SEC31A: variants seen among roughly 807,000 people sequenced by gnomAD.
The protein encoded by SEC31A is SEC31 homolog A, COPII component, also known as protein transport protein Sec31A.
A neutral mutation model predicts 151.0 loss-of-function variants in SEC31A; 70 were observed. The observed-to-expected ratio is 0.46, with a 90% CI of 0.38 to 0.57. The LOEUF (loss-of-function observed/expected upper bound fraction) is 0.57. SEC31A is among the 20% of genes least tolerant of loss of function. The pLI is 0.00. For synonymous variants in SEC31A, 475 were observed against 505.9 expected, an observed-to-expected ratio of 0.94 and a Z score of 0.82; for missense variants, 1,330 against 1,471.2, an observed-to-expected ratio of 0.90 and a Z score of 1.57.
At position 82,844,442 on chromosome 4, in the gene SEC31A, A is replaced by T; in HGVS notation, c.2570T>A (p.Leu857His). 1 of 1,613,990 alleles carries T rather than the reference A, an allele frequency of 6.2e-7. No homozygotes were observed. The highest frequency in any genetic ancestry group is 1.1e-5 in the South Asian group (1 of 91,080). ...GNVNPNAAGQLPTSPGHMHTQ... is the reference protein window; with the variant it reads ...GNVNPNAAGQHPTSPGHMHTQ... ...GTGCATATGACCTGGAGATGTGGGA[A>T]GCTGACCAGCAGCATTTGGATTAAC... Residue 857 changes from leucine to histidine, a missense_variant, in exon 21 of 27, where the codon CTT (leucine) becomes CAT (histidine). By Grantham distance (99) the Leu-to-His change is moderately conservative (BLOSUM62 -3). Coordinates refer to ENST00000395310, the MANE Select transcript of SEC31A (RefSeq NM_001077207.4).
In SEC31A at chr4:82,830,601, C is replaced by T. The variant is rs137891425; in HGVS notation, c.2969-1543G>A. 2.9e-3 allele frequency among the ~76,000 whole-genome samples: 438 copies of T among 152,328 alleles called. 2 individuals are homozygous for T. The highest frequency in any genetic ancestry group is 9.9e-3 in the African/African-American group (412 of 41,572). On this transcript the variant is annotated intron_variant, in intron 22 of 26. Coordinates refer to ENST00000395310, the MANE Select transcript of SEC31A (RefSeq NM_001077207.4). The stretch of plus-strand genomic sequence containing the variant: ...AACTCATATGCTGCTTTCTGATTAA[C>T]AAATTCTTAAACTTCTGGTTCTACA...
intron 14 of SEC31A, among the ~76,000 whole-genome samples, chr4:82,859,986 G>A (rs1477124927): frequency 2.0e-5 from 3 of 152,052 alleles, no homozygotes; most frequent in Non-Finnish European, 2.9e-5. Flanking sequence ...TAGAGGTGGT[G>A]TTTCACCGTG....
Position 82,819,095 on chromosome 4 carries a change from C to G in SEC31A, c.3642G>C (p.Gln1214His). 3 of 1,607,834 alleles carry G rather than the reference C, an allele frequency of 1.9e-6. No individual in the cohort carries two copies. Among genetic ancestry groups the G allele is most frequent in the Non-Finnish European group, 2.5e-6 (3 of 1,177,496 alleles). ...CCTTTTAGACACCCAGCTTATTGGC[C>G]TGGGTGAGAACAACTTTGAGAACTG... ...FMPVLKVVLTQANKLGV is the reference protein window; with the variant it reads ...FMPVLKVVLTHANKLGV Residue 1214 changes from glutamine to histidine, a missense_variant, in exon 27 of 27, where the codon CAG (glutamine) becomes CAC (histidine). Transcript: ENST00000395310.
intron 10 of SEC31A, among the ~76,000 whole-genome samples, chr4:82,866,142 A>G (rs1735332028): frequency 6.6e-6 from 1 of 151,742 alleles, no homozygotes; most frequent in African/African-American, 2.4e-5. Flanking sequence ...AGGGAGGGAA[A>G]GAGAGACAGA....
chr4:82,848,513 T>G (rs1469227079), intron 20 of SEC31A, among the ~76,000 whole-genome samples: 3 of 152,166 alleles, frequency 2.0e-5, no homozygotes, highest in Admixed American at 2.0e-4. Context: ...ATTTTAATAG[T>G]AGATGTACAT....
chr4:82,889,835 CACT>C (rs1227810648), intron 1 of SEC31A, among the ~76,000 whole-genome samples: 1 of 152,168 alleles, frequency 6.6e-6, no homozygotes, highest in Non-Finnish European at 1.5e-5. Flanking sequence ...ACTACAAAAA[CACT>C]ACGAGTTATC....
intron 14 of SEC31A, among the ~76,000 whole-genome samples, chr4:82,859,710 T>G (rs540147757): frequency 2.6e-5 from 4 of 152,194 alleles, no homozygotes; most frequent in Admixed American, 2.6e-4. Context: ...TAAAAGAAAT[T>G]AAGAATTTAA....
intron 19 of SEC31A, 27 bp from the exon 20 acceptor site, chr4:82,849,004 CTG>C: frequency 6.2e-7 from 1 of 1,602,178 alleles, no homozygotes; most frequent in Non-Finnish European, 8.5e-7. Flanking sequence ...AAACAGCAGA[CTG>C]TTGAGAGTTC....
chr4:82,889,065 T>C (rs1428332557), intron 1 of SEC31A, among the ~76,000 whole-genome samples: 4 of 152,210 alleles, frequency 2.6e-5, no homozygotes, highest in Admixed American at 2.6e-4. Flanking sequence ...AACAATTGTT[T>C]AGAGGATTTA....
intron 7 of SEC31A, chr4:82,871,718 A>C (rs1402345002): frequency 1.8e-6 from 1 of 557,498 alleles, no homozygotes; most frequent in Non-Finnish European, 3.1e-6. Flanking sequence ...TTGCGCCTGT[A>C]ATCCCAGCTA....
chr4:82,828,903 C>T (rs951885269), intron 23 of SEC31A, 97 bp downstream of exon 23: 8 of 878,250 alleles, frequency 9.1e-6, no homozygotes, highest in Admixed American at 7.9e-5. Flanking sequence ...CAGTAAGCTT[C>T]GCCTTTAAAA....
chr4:82,873,628 C>T (rs866751450), intron 6 of SEC31A, among the ~76,000 whole-genome samples: 1 of 152,124 alleles, frequency 6.6e-6, no homozygotes, highest in African/African-American at 2.4e-5. Flanking sequence ...AAACAATACT[C>T]TGAAGAAGTG....
At chr4:82,854,380 A>G (rs1184448362) in intron 17 of SEC31A, among the ~76,000 whole-genome samples, 1 of 145,846 alleles carries the variant, frequency 6.9e-6, no homozygotes, top group Non-Finnish European at 1.5e-5. Flanking sequence ...AAAAAAAAAA[A>G]GCAGTTAGTA....
rs1276818478 is a variant in SEC31A at position 82,899,060 on chromosome 4, AGATG to A, written c.-2+649_-2+652del. Among the ~76,000 whole-genome samples, 13 of 152,368 alleles carry A rather than the reference AGATG, an allele frequency of 8.5e-5. No individual in the cohort carries two copies. The East Asian group carries it at 2.5e-3, about 29-fold the overall frequency. ...AAATAAAGTACTGATACGTGCTATAAGATGGATGAACTCTGAAAACATTCCAAGT... is the reference window on the plus strand; with the variant it reads ...AAATAAAGTACTGATACGTGCTATAAGATGAACTCTGAAAACATTCCAAGT... On this transcript the variant is annotated intron_variant, in intron 3 of 28. Transcript: ENST00000355196.
chr4:82,820,576 T>C (rs1023053781), intron 26 of SEC31A, among the ~76,000 whole-genome samples: 1 of 152,200 alleles, frequency 6.6e-6, no homozygotes, highest in African/African-American at 2.4e-5. Flanking sequence ...TTACAGCACA[T>C]TACCCTATTC....
intron 1 of SEC31A, among the ~76,000 whole-genome samples, chr4:82,885,318 G>A (rs1455718127): frequency 3.9e-5 from 6 of 151,996 alleles, no homozygotes; most frequent in African/African-American, 4.8e-5. Flanking sequence ...ATATCTTTGG[G>A]TAATAATTTT....
chr4:82,865,857 T>C (rs1735250620), intron 10 of SEC31A, among the ~76,000 whole-genome samples: 1 of 152,050 alleles, frequency 6.6e-6, no homozygotes. Context: ...AGAGATCTGT[T>C]GCACAACAAC....
intron 16 of SEC31A, 68 bp downstream of exon 16, chr4:82,856,884 A>G (rs1732805877): frequency 7.7e-7 from 1 of 1,301,700 alleles, no homozygotes; most frequent in Non-Finnish European, 1.1e-6. Context: ...AGTTATCTAT[A>G]ATAACAGTGT....
At chr4:82,828,689 A>AAAAAAAAAAAAAAG (rs1560585112) in intron 23 of SEC31A, among the ~76,000 whole-genome samples, 1 of 150,584 alleles carries the variant, frequency 6.6e-6, no homozygotes, top group Non-Finnish European at 1.5e-5. Context: ...AAAAAAAAAA[A>AAAAAAAAAAAAAAG]AAAAAAAAGA....
Sources: gnomAD v4.1 joint callset for allele counts (sites outside exome capture counted in the v4.1 genomes callset) on GRCh38, gnomAD v4.1.1 for gene constraint, MANE v1.5 for transcripts, NCBI Gene and HGNC (gene_info 2026-07-23, HGNC 2026-07-21) for gene names.